Variants in TTC29 observed in about 807,000 individuals in gnomAD.
TTC29 encodes tetratricopeptide repeat protein 29.
TTC29 carries 49 observed loss-of-function variants against 58.1 expected under a neutral mutation model. That is an observed-to-expected ratio of 0.84 (90% confidence interval 0.67 to 1.07). The LOEUF (loss-of-function observed/expected upper bound fraction) is 1.07, where lower values mean the gene tolerates loss of function less well. Ranked by LOEUF, TTC29 falls within the 50% of genes least tolerant of loss-of-function variation. TTC29 has a pLI of 0.00. For missense variants in TTC29, 582 were observed against 555.6 expected (o/e 1.05, Z -0.48); for synonymous variants, 209 against 196.8 (o/e 1.06, Z -0.52).
chr4:146,862,051 A>G (rs1160028802), intron 8 of TTC29, among the ~76,000 whole-genome samples: 1 of 152,186 alleles, frequency 6.6e-6, no homozygotes, highest in Non-Finnish European at 1.5e-5. Flanking sequence ...TCACAGCTAC[A>G]CTATGACAGG....
intron 6 of TTC29, among the ~76,000 whole-genome samples, chr4:146,878,772 G>C: frequency 6.6e-6 from 1 of 152,130 alleles, no homozygotes. Context: ...TCACCTCTAA[G>C]AAAAACACAG....
chr4:146,748,644 A>G (rs1561085798), intron 11 of TTC29, among the ~76,000 whole-genome samples: 1 of 152,236 alleles, frequency 6.6e-6, no homozygotes, highest in South Asian at 2.1e-4. Flanking sequence ...ATTGAGTGCA[A>G]CTGAAGAAGC....
At chr4:146,884,058 T>C (rs1731813744) in intron 6 of TTC29, among the ~76,000 whole-genome samples, 1 of 152,108 alleles carries the variant, frequency 6.6e-6, no homozygotes, top group Admixed American at 6.6e-5. Flanking sequence ...AATTTTCTTG[T>C]GGCTATCAAT....
chr4:146,943,784 A>C (rs1736656760), intron 2 of TTC29, among the ~76,000 whole-genome samples: 1 of 152,230 alleles, frequency 6.6e-6, no homozygotes, highest in Admixed American at 6.5e-5. Flanking sequence ...CTTCCATTAA[A>C]TTAAATACCT....
intron 6 of TTC29, among the ~76,000 whole-genome samples, chr4:146,879,456 C>T (rs1437644339): frequency 1.3e-5 from 2 of 152,084 alleles, no homozygotes; most frequent in Admixed American, 6.6e-5. Context: ...CTGCTTTTAA[C>T]TGAAAATTTT....
intron 6 of TTC29, among the ~76,000 whole-genome samples, chr4:146,897,653 T>C (rs1369865790): frequency 6.6e-6 from 1 of 152,194 alleles, no homozygotes; most frequent in Non-Finnish European, 1.5e-5. Flanking sequence ...ATACAGCATC[T>C]GATGATAGGA....
intron 10 of TTC29, among the ~76,000 whole-genome samples, chr4:146,815,967 G>T (rs1200497753): frequency 1.3e-5 from 2 of 152,042 alleles, no homozygotes; most frequent in African/African-American, 4.8e-5. Flanking sequence ...TTTCTGAGGG[G>T]CAATATTTTT....
intron 11 of TTC29, among the ~76,000 whole-genome samples, chr4:146,719,189 G>T (rs1203721110): frequency 6.9e-6 from 1 of 144,086 alleles, no homozygotes; most frequent in South Asian, 2.3e-4. Flanking sequence ...TGGCTATTGG[G>T]GTGTGTGTGT....
At chr4:146,841,761 A>C (rs1336084652) in intron 8 of TTC29, among the ~76,000 whole-genome samples, 2 of 151,938 alleles carry the variant, frequency 1.3e-5, no homozygotes, top group African/African-American at 4.8e-5. Flanking sequence ...TTCTCCAAAC[A>C]TCATAGGCTT....
At chr4:146,754,282 A>T (rs1746262935) in intron 11 of TTC29, among the ~76,000 whole-genome samples, 2 of 152,092 alleles carry the variant, frequency 1.3e-5, no homozygotes, top group South Asian at 4.1e-4. Context: ...AGATTGAGTC[A>T]GGAAGAACTA....
intron 8 of TTC29, among the ~76,000 whole-genome samples, chr4:146,858,797 C>G (rs1197418951): frequency 6.6e-6 from 1 of 152,150 alleles, no homozygotes; most frequent in Non-Finnish European, 1.5e-5. Context: ...AAGGTTAAGT[C>G]AGTCACTTGT....
chr4:146,713,395 G>GATT (rs1212501106), intron 11 of TTC29, among the ~76,000 whole-genome samples: 1 of 151,942 alleles, frequency 6.6e-6, no homozygotes, highest in Non-Finnish European at 1.5e-5. Context: ...CAAAGCCTGA[G>GATT]ATTATAGAGT....
In TTC29 at chr4:146,945,767, C is replaced by G. The variant is rs1182089668; in HGVS notation, c.-112G>C. 7 of 152,434 alleles carry G rather than the reference C, an allele frequency of 4.6e-5. No individual in the cohort carries two copies. Among genetic ancestry groups the G allele is most frequent in the Admixed American group, 3.3e-4 (5 of 15,282 alleles). 9.4% of individuals were successfully genotyped at this position (152,434 alleles called of 1,614,324 possible). ...TTTCCGTTCCGCCGAAGTCAGTCCCCCACCGGCGGCAGGTGCTGGGCGTTG... is the reference window on the plus strand; with the variant it reads ...TTTCCGTTCCGCCGAAGTCAGTCCCGCACCGGCGGCAGGTGCTGGGCGTTG... On this transcript the variant is annotated 5_prime_UTR_variant, in exon 1 of 13. Coordinates refer to ENST00000325106, the MANE Select transcript of TTC29 (RefSeq NM_031956.4).
intron 11 of TTC29, among the ~76,000 whole-genome samples, chr4:146,734,213 T>C: frequency 6.6e-6 from 1 of 152,122 alleles, no homozygotes; most frequent in East Asian, 1.9e-4. Flanking sequence ...ATAGGTAGAA[T>C]TTCAGCCAGC....
chr4:146,808,395 T>C (rs568101856), intron 10 of TTC29, among the ~76,000 whole-genome samples: 10 of 152,242 alleles, frequency 6.6e-5, no homozygotes, highest in Non-Finnish European at 1.0e-4. Context: ...GCCAGGGCAA[T>C]CAGGCAAGAG....
intron 6 of TTC29, among the ~76,000 whole-genome samples, chr4:146,897,757 C>T (rs1459283813): frequency 6.6e-6 from 1 of 152,186 alleles, no homozygotes; most frequent in Admixed American, 6.5e-5. Flanking sequence ...GTGCTGCTTA[C>T]CAAGTTACCT....
chr4:146,783,717 T>C (rs1748792896), intron 11 of TTC29, among the ~76,000 whole-genome samples: 1 of 151,072 alleles, frequency 6.6e-6, no homozygotes, highest in African/African-American at 2.4e-5. Context: ...GACTAAAATT[T>C]CTAAAGTGTG....
chr4:146,834,868 G>A (rs1728404772), intron 8 of TTC29, among the ~76,000 whole-genome samples: 1 of 152,170 alleles, frequency 6.6e-6, no homozygotes, highest in African/African-American at 2.4e-5. Context: ...ATTTCAATGA[G>A]GCTATTGCGA....
intron 8 of TTC29, among the ~76,000 whole-genome samples, chr4:146,846,863 T>G (rs772996269): frequency 6.6e-6 from 1 of 152,198 alleles, no homozygotes; most frequent in East Asian, 1.9e-4. Flanking sequence ...CAGAAATCCA[T>G]GAAAGCCTTG....
Sources: gnomAD v4.1 joint callset for allele counts (sites outside exome capture counted in the v4.1 genomes callset) on GRCh38, gnomAD v4.1.1 for gene constraint, MANE v1.5 for transcripts, NCBI Gene and HGNC (gene_info 2026-07-23, HGNC 2026-07-21) for gene names.